The following OR6N1 variants were observed in gnomAD, a reference collection of about 807,000 sequenced individuals.
The protein encoded by OR6N1 is olfactory receptor 6N1.
For missense variants in OR6N1, 394 were observed against 371.7 expected (o/e 1.06, Z -0.49); for synonymous variants, 170 against 150.7 (o/e 1.13, Z -0.94).
chr1:158,792,094 T>C, the OR6N1 span, among the ~76,000 whole-genome samples: 1 of 152,342 alleles, frequency 6.6e-6, no homozygotes, highest in South Asian at 2.1e-4. Flanking sequence ...GATACAGATA[T>C]ATTTAGGATT....
chr1:158,786,725 A>T, the OR6N1 span, among the ~76,000 whole-genome samples: 2 of 152,192 alleles, frequency 1.3e-5, no homozygotes, highest in East Asian at 3.8e-4. Context: ...TGAGACCATT[A>T]TTCTAGTAAC....
chr1:158,804,361 G>A, the OR6N1 span, among the ~76,000 whole-genome samples: 3 of 152,120 alleles, frequency 2.0e-5, no homozygotes, highest in African/African-American at 7.2e-5. Context: ...CAACCTGAGG[G>A]TCCATTGCAA....
the OR6N1 span, among the ~76,000 whole-genome samples, chr1:158,819,585 C>A: frequency 3.3e-5 from 5 of 152,048 alleles, no homozygotes; most frequent in African/African-American, 9.7e-5. Flanking sequence ...ACAAAACAAT[C>A]CCACACACAA....
chr1:158,772,897 A>C (rs142556104), upstream of OR6N1, among the ~76,000 whole-genome samples: 1,723 of 152,334 alleles, frequency 0.011, 11 homozygotes, highest in Non-Finnish European at 0.018. Context: ...AAATATGTTA[A>C]TTAGCCTAAT....
chr1:158,837,748 C>G, the OR6N1 span, among the ~76,000 whole-genome samples: 1 of 151,874 alleles, frequency 6.6e-6, no homozygotes, highest in Admixed American at 6.6e-5. Context: ...GAACTTAGAA[C>G]TTATTGTTGC....
the OR6N1 span, among the ~76,000 whole-genome samples, chr1:158,813,697 CTTTTTTTTTTTTTT>C: frequency 3.8e-5 from 3 of 78,614 alleles, no homozygotes; most frequent in Admixed American, 1.7e-4. Flanking sequence ...TATGTATGGT[CTTTTTTTTTTTTTT>C]TTTTTTTTTG....
At chr1:158,805,715 AG>A in the OR6N1 span, among the ~76,000 whole-genome samples, 1 of 152,248 alleles carries the variant, frequency 6.6e-6, no homozygotes. Context: ...GGGAGTTTGC[AG>A]CTATAAATGG....
the OR6N1 span, among the ~76,000 whole-genome samples, chr1:158,779,833 AT>A: frequency 6.6e-6 from 1 of 152,096 alleles, no homozygotes; most frequent in African/African-American, 2.4e-5. Context: ...TTATTTATTC[AT>A]TTTCTATGCC....
the OR6N1 span, among the ~76,000 whole-genome samples, chr1:158,798,195 C>A: frequency 6.6e-6 from 1 of 151,464 alleles, no homozygotes; most frequent in African/African-American, 2.4e-5. Context: ...TTTTTAGGAA[C>A]CAACATTTTT....
the OR6N1 span, among the ~76,000 whole-genome samples, chr1:158,785,738 A>C: frequency 6.6e-6 from 1 of 152,216 alleles, no homozygotes; most frequent in African/African-American, 2.4e-5. Context: ...ACATAAAAAT[A>C]ATATGTAACC....
chr1:158,768,272 C>A (rs963872322), intron 1 of OR6N1, among the ~76,000 whole-genome samples: 6 of 152,086 alleles, frequency 3.9e-5, no homozygotes, highest in Non-Finnish European at 7.4e-5. Flanking sequence ...ATATTTTTCT[C>A]TGCTACTCCA....
the OR6N1 span, among the ~76,000 whole-genome samples, chr1:158,800,192 A>G: frequency 7.2e-5 from 11 of 152,186 alleles, no homozygotes; most frequent in Non-Finnish European, 1.2e-4. Context: ...AATGATTCTC[A>G]GTGACTTCCT....
the OR6N1 span, among the ~76,000 whole-genome samples, chr1:158,780,300 A>G: frequency 6.6e-6 from 1 of 151,934 alleles, no homozygotes; most frequent in African/African-American, 2.4e-5. Flanking sequence ...TATGTGTAGA[A>G]CAAGTAAGGC....
chr1:158,805,372 T>C, the OR6N1 span, among the ~76,000 whole-genome samples: 113 of 152,358 alleles, frequency 7.4e-4, no homozygotes, highest in African/African-American at 2.6e-3. Flanking sequence ...TACCCCAATA[T>C]GTCACACTAA....
the OR6N1 span, among the ~76,000 whole-genome samples, chr1:158,828,331 A>T: frequency 2.1e-4 from 32 of 152,342 alleles, no homozygotes; most frequent in African/African-American, 7.5e-4. Flanking sequence ...TAAAATCAAA[A>T]GCAAGTTAGT....
chr1:158,821,002 G>T, the OR6N1 span, among the ~76,000 whole-genome samples: 3 of 152,204 alleles, frequency 2.0e-5, no homozygotes, highest in Non-Finnish European at 4.4e-5. Flanking sequence ...TCTACTTTTA[G>T]CAGTAGCCAG....
At position 158,766,716 on chromosome 1, in the gene OR6N1, G is replaced by T; in HGVS notation, c.-18-16C>A. The T allele has an allele frequency of 1.3e-6, 2 of 1,504,912 alleles. No individual in the cohort carries two copies. The highest frequency in any genetic ancestry group is 2.3e-5 in the East Asian group (1 of 43,732). The allele number at this position is 1,504,912 out of a possible 1,614,324, so 93.2% of individuals were successfully genotyped here. A position where few individuals can be genotyped will look rare whatever the true frequency, so the allele number is the denominator to read the frequency against. On this transcript the variant is annotated splice_polypyrimidine_tract_variant and intron_variant, in intron 1 of 1. Transcript: ENST00000641846. ...ATTCATGTCCCTAGATGTGAAGTGT[G>T]GAAGGATAGGAAAGAAAGTTGAACT...
the OR6N1 span, among the ~76,000 whole-genome samples, chr1:158,802,024 A>G: frequency 2.6e-5 from 4 of 151,994 alleles, no homozygotes; most frequent in Middle Eastern, 3.4e-3. Context: ...GGAGTTGCTA[A>G]GTGTGTAAAG....
chr1:158,833,828 A>C, the OR6N1 span, among the ~76,000 whole-genome samples: 506 of 152,318 alleles, frequency 3.3e-3, 3 homozygotes, highest in African/African-American at 0.011. Context: ...ACATGCATTT[A>C]TTTGAGATCA....
Sources: allele counts gnomAD v4.1 joint callset (sites outside exome capture counted in the v4.1 genomes callset), GRCh38; gene constraint gnomAD v4.1.1; transcripts MANE v1.5; gene names NCBI Gene and HGNC (gene_info 2026-07-23, HGNC 2026-07-21).